DUSP12: variants seen among roughly 807,000 people sequenced by gnomAD.
DUSP12 encodes the protein dual specificity protein phosphatase 12.
Under a neutral mutation model 38.9 loss-of-function variants are expected in DUSP12, and 25 were observed. The observed-to-expected ratio is 0.64, with a 90% CI of 0.47 to 0.90. The LOEUF (loss-of-function observed/expected upper bound fraction) is 0.90, where lower values mean the gene tolerates loss of function less well. DUSP12 is among the 40% of genes least tolerant of loss of function. The probability of loss-of-function intolerance (pLI) is 0.00; values close to 1 mark genes in which losing one functional copy is unlikely to be tolerated. For missense variants in DUSP12, 403 were observed against 427.0 expected (o/e 0.94, Z 0.50); for synonymous variants, 153 against 153.9 (o/e 0.99, Z 0.05).
chr1:161,749,931 G>T lies in DUSP12; in HGVS notation c.130G>T (p.Glu44Ter). 3 of 1,613,868 alleles carry T rather than the reference G, an allele frequency of 1.9e-6. No homozygotes were observed. Among genetic ancestry groups the T allele is most frequent in the Non-Finnish European group, 2.5e-6 (3 of 1,179,852 alleles). The change falls in exon 1 of 6, where the codon GAG becomes TAG. Residue 44 changes from glutamate to a stop codon, truncating the protein, a stop_gained. Transcript: ENST00000367943. LOFTEE classifies it high-confidence loss of function. ...TTTCGGTGGGGCCGCGGCCGTCGCG[G>T]AGCCAGATCACCTGAGGGAAGCGGG... ...LYFGGAAAVA[E>*]PDHLREAGIT... is the part of the protein sequence containing the mutation.
intron 3 of DUSP12, 84 bp downstream of exon 3, chr1:161,752,068 C>A: frequency 2.2e-6 from 2 of 924,734 alleles, no homozygotes; most frequent in Non-Finnish European, 3.4e-6. Flanking sequence ...TTCCAGCAAT[C>A]CCTGAGAAAC....
chr1:161,753,148 A>G lies in DUSP12; in HGVS notation c.748A>G (p.Arg250Gly), dbSNP rs761883774. 1 of 1,614,002 alleles carries G rather than the reference A, an allele frequency of 6.2e-7. No homozygotes were observed. Among genetic ancestry groups the G allele is most frequent in the Non-Finnish European group, 8.5e-7 (1 of 1,179,996 alleles). ...TGGACCTATAGCCTTTGCCCACAAG[A>G]GAATGACACCATCTTCCATGCTTAC... is the stretch of plus-strand genomic sequence containing the variant. ...GSGPIAFAHKRMTPSSMLTTG... is the reference protein window; with the variant it reads ...GSGPIAFAHKGMTPSSMLTTG... The change falls in exon 5 of 6, where the codon AGA becomes GGA. Residue 250 changes from arginine to glycine, a missense_variant. By Grantham distance (125) the Arg-to-Gly change is moderately radical. Transcript: ENST00000367943.
chr1:161,750,095 G>A lies in DUSP12; in HGVS notation c.294G>A (p.Val98=). The A allele has an allele frequency of 6.2e-7, 1 of 1,613,964 alleles. No individual in the cohort carries two copies. The highest frequency in any genetic ancestry group is 8.5e-7 in the Non-Finnish European group (1 of 1,179,962). ...TACTCAGCCATCTGGACCGGTGCGT[G>A]GCCTTCATCGGTCAGGCCCGCGCTG... ...TDLLSHLDRC[V]AFIGQARAEG... The change falls in exon 1 of 6, where the codon GTG becomes GTA. Residue 98 remains valine (V), a synonymous_variant. Coordinates refer to ENST00000367943, the MANE Select transcript of DUSP12 (RefSeq NM_007240.3).
At chr1:161,754,077 T>A (rs927845798) in intron 5 of DUSP12, among the ~76,000 whole-genome samples, 1 of 152,346 alleles carries the variant, frequency 6.6e-6, no homozygotes, top group African/African-American at 2.4e-5. Context: ...TTACTTGATA[T>A]TAATGTGAAG....
At chr1:161,751,842 CTT>C (rs1430147840) in intron 2 of DUSP12, 22 bp from the exon 3 acceptor site, 1 of 1,600,712 alleles carries the variant, frequency 6.2e-7, no homozygotes, top group East Asian at 2.2e-5. Flanking sequence ...GAAAATGAAA[CTT>C]TATATTTCTT....
At position 161,751,951 on chromosome 1, in the gene DUSP12, T is replaced by C. The variant is rs770530817; in HGVS notation, c.544T>C (p.Tyr182His). ...VDTSSAIYKQYRLQKVTEKYP... is the reference protein window; with the variant it reads ...VDTSSAIYKQHRLQKVTEKYP... Reference sequence around the variant, plus strand: ...TACCTCTAGTGCAATTTATAAGCAATATCGTTTACAAAAGGTTACAGAGAA... The same window carrying C: ...TACCTCTAGTGCAATTTATAAGCAACATCGTTTACAAAAGGTTACAGAGAA... Residue 182 changes from tyrosine to histidine, a missense_variant, in exon 3 of 6, where the codon TAT becomes CAT. By Grantham distance (83) the Tyr-to-His change is moderately conservative (BLOSUM62 2). Transcript: ENST00000367943. 11 of 1,611,918 alleles carry C rather than the reference T, an allele frequency of 6.8e-6. No homozygotes were observed. In the East Asian group the frequency reaches 2.0e-4, roughly 29 times the overall value.
At chr1:161,754,514 G>T (rs569640807) in intron 5 of DUSP12, among the ~76,000 whole-genome samples, 2 of 152,264 alleles carry the variant, frequency 1.3e-5, no homozygotes, top group African/African-American at 4.8e-5. Flanking sequence ...ATAAAGGAAG[G>T]AGGTTTAATT....
At chr1:161,751,522 T>C in intron 1 of DUSP12, 146 bp from the exon 2 acceptor site, 1 of 928,046 alleles carries the variant, frequency 1.1e-6, no homozygotes, top group Non-Finnish European at 1.6e-6. Context: ...TTTTGTACCT[T>C]GATAATATTT....
chr1:161,751,625 A>G (rs1394357495), intron 1 of DUSP12, 43 bp from the exon 2 acceptor site: 3 of 1,564,834 alleles, frequency 1.9e-6, no homozygotes, highest in Non-Finnish European at 2.6e-6. Flanking sequence ...TTTTTTTTTA[A>G]TTGTTGCTAT....
At position 161,753,121 on chromosome 1, in the gene DUSP12, A is replaced by C; in HGVS notation, c.721A>C (p.Ser241Arg). The change falls in exon 5 of 6, where the codon AGT becomes CGT. Residue 241 changes from serine (S) to arginine (R), a missense_variant. Physicochemically the swap from Ser to Arg is moderately radical, Grantham distance 110 (BLOSUM62 -1). Coordinates refer to ENST00000367943, the MANE Select transcript of DUSP12 (RefSeq NM_007240.3). ...SSSILDHREG[S>R]GPIAFAHKRM... The stretch of plus-strand genomic sequence containing the variant: ...TAGTATTCTGGATCACCGTGAAGGA[A>C]GTGGACCTATAGCCTTTGCCCACAA... 2 of 1,613,280 alleles carry C rather than the reference A, an allele frequency of 1.2e-6. No homozygotes were observed. Among genetic ancestry groups the C allele is most frequent in the South Asian group, 1.1e-5 (1 of 90,864 alleles).
At chr1:161,752,230 T>C in intron 3 of DUSP12, 138 bp from the exon 4 acceptor site, 1 of 744,534 alleles carries the variant, frequency 1.3e-6, no homozygotes, top group Non-Finnish European at 2.2e-6. Context: ...GCCTGATTTC[T>C]CAACACTGGA....
In DUSP12 at chr1:161,749,823, A is replaced by G. The variant is rs766323982; in HGVS notation, c.22A>G (p.Ser8Gly). Residue 8 changes from serine to glycine, a missense_variant, in exon 1 of 6, where the codon AGT becomes GGT. Coordinates refer to ENST00000367943, the MANE Select transcript of DUSP12 (RefSeq NM_007240.3). MLEAPGPSDGCELSNPSA... is the reference protein window; with the variant it reads MLEAPGPGDGCELSNPSA... ...GGCCATGTTGGAGGCTCCGGGCCCG[A>G]GTGATGGCTGCGAGCTCAGCAACCC... 1.6e-5 allele frequency: 26 copies of G among 1,586,330 alleles called. No individual in the cohort carries two copies. Among genetic ancestry groups the G allele is most frequent in the Non-Finnish European group, 2.1e-5 (25 of 1,166,936 alleles).
At chr1:161,750,222 C>G (rs954151200) in intron 1 of DUSP12, 77 bp downstream of exon 1, 23 of 1,492,280 alleles carry the variant, frequency 1.5e-5, no homozygotes, top group Non-Finnish European at 2.1e-5. Flanking sequence ...CTTCCGAGGC[C>G]GTCGGGAGGA....
At chr1:161,753,348 T>C (rs1684057525) in intron 5 of DUSP12, 87 bp downstream of exon 5, 2 of 1,066,954 alleles carry the variant, frequency 1.9e-6, no homozygotes, top group Non-Finnish European at 2.6e-6. Context: ...TTAACTAGTG[T>C]TTTGCTCCAT....
At chr1:161,754,072 T>C (rs1684072076) in intron 5 of DUSP12, among the ~76,000 whole-genome samples, 1 of 152,252 alleles carries the variant, frequency 6.6e-6, no homozygotes, top group African/African-American at 2.4e-5. Flanking sequence ...TAGGTTTACT[T>C]GATATTAATG....
chr1:161,749,980 A>G lies in DUSP12; in HGVS notation c.179A>G (p.Asp60Gly). The G allele has an allele frequency of 6.2e-7, 1 of 1,613,902 alleles. No individual in the cohort carries two copies. Among genetic ancestry groups the G allele is most frequent in the Non-Finnish European group, 8.5e-7 (1 of 1,179,928 alleles). The change falls in exon 1 of 6, where the codon GAC becomes GGC. Residue 60 changes from aspartate to glycine, a missense_variant. Coordinates refer to ENST00000367943, the MANE Select transcript of DUSP12 (RefSeq NM_007240.3). ...GGCATCACGGCCGTGCTAACAGTGG[A>G]CTCGGAGGAGCCCAGCTTCAAGGCG... ...EAGITAVLTV[D>G]SEEPSFKAGP...
rs1430962579 is a variant in DUSP12 at position 161,750,130 on chromosome 1, C to T, written c.329C>T (p.Ala110Val). 18 of 1,613,186 alleles carry T rather than the reference C, an allele frequency of 1.1e-5. No homozygotes were observed. The highest frequency in any genetic ancestry group is 8.4e-5 in the Admixed American group (5 of 59,860). The change falls in exon 1 of 6, where the codon GCG (alanine) becomes GTG (valine). Residue 110 changes from alanine to valine, a missense_variant. Transcript: ENST00000367943. Reference sequence around the variant, plus strand: ...GGTCAGGCCCGCGCTGAGGGCCGTGCGGTGTTGGTGCACTGGTGAGTGGCC... The same window carrying T: ...GGTCAGGCCCGCGCTGAGGGCCGTGTGGTGTTGGTGCACTGGTGAGTGGCC... ...FIGQARAEGR[A>V]VLVHCHAGVS...
At chr1:161,753,032 C>T in intron 4 of DUSP12, 43 bp from the exon 5 acceptor site, 1 of 1,525,772 alleles carries the variant, frequency 6.6e-7, no homozygotes. Flanking sequence ...TGTTTTCATC[C>T]TTTTGGAAGT....
At chr1:161,750,238 G>A in intron 1 of DUSP12, 93 bp downstream of exon 1, 2 of 1,379,572 alleles carry the variant, frequency 1.4e-6, no homozygotes, top group South Asian at 2.5e-5. Flanking sequence ...GAGGACAAGA[G>A]CGCGGTCATG....
Sources: allele counts gnomAD v4.1 joint callset (sites outside exome capture counted in the v4.1 genomes callset), GRCh38; gene constraint gnomAD v4.1.1; transcripts MANE v1.5; gene names NCBI Gene and HGNC (gene_info 2026-07-23, HGNC 2026-07-21).